RNF213: variants seen among roughly 807,000 people sequenced by gnomAD.
RNF213 encodes ring finger protein 213.
Under a neutral mutation model 514.4 loss-of-function variants are expected in RNF213, and 341 were observed. The observed-to-expected ratio is 0.66, with a 90% CI of 0.61 to 0.73. RNF213 has a LOEUF of 0.73. RNF213 is among the 30% of genes least tolerant of loss of function. The pLI, the probability that RNF213 is intolerant of heterozygous loss-of-function variation, is 0.00. For synonymous variants in RNF213, 2,655 were observed against 2,658.2 expected (o/e 1.00, Z 0.04); for missense variants, 5,767 against 6,615.6 (o/e 0.87, Z 4.45).
At chr17:80,367,920 G>A in intron 43 of RNF213, 41 bp from the exon 44 acceptor site, 2 of 1,614,172 alleles carry the variant, frequency 1.2e-6, no homozygotes, top group South Asian at 1.1e-5. Context: ...CTTCTGGCCA[G>A]TTTCTCTGCT....
Position 80,332,401 on chromosome 17 carries a change from G to A in RNF213, c.3913G>A (p.Val1305Ile). ...SGEVTLAEID[V>I]IFKDFVNKYT... ...AGAGGTCACCCTTGCAGAGATTGAT[G>A]TCATCTTCAAGGACTTTGTGAATAA... Residue 1305 changes from valine to isoleucine, a missense_variant, in exon 21 of 68, where the codon GTC (valine) becomes ATC (isoleucine). Transcript: ENST00000582970. 5 of 1,537,166 alleles carry A rather than the reference G, an allele frequency of 3.3e-6. No individual in the cohort carries two copies. Among genetic ancestry groups the A allele is most frequent in the Non-Finnish European group, 4.4e-6 (5 of 1,146,910 alleles).
rs1052430421 is a variant in RNF213 at position 80,343,257 on chromosome 17, C to G, written c.6115C>G (p.Leu2039Val). ...QVDESRVLGALLPFLDAQYQK... is the reference protein window; with the variant it reads ...QVDESRVLGAVLPFLDAQYQK... ...GGATGAGAGCCGAGTCCTGGGCGCCCTGCTGCCCTTCCTGGATGCGCAGTA... is the reference window on the plus strand; with the variant it reads ...GGATGAGAGCCGAGTCCTGGGCGCCGTGCTGCCCTTCCTGGATGCGCAGTA... Residue 2039 changes from leucine (L) to valine (V), a missense_variant, in exon 27 of 68, where the codon CTG becomes GTG. Coordinates refer to ENST00000582970, the MANE Select transcript of RNF213 (RefSeq NM_001256071.3). This position sits in a 1 kb window ranked among gnomAD's most constrained non-coding sequence, Gnocchi z 4.3. The G allele has an allele frequency of 4.3e-6, 7 of 1,613,908 alleles. No homozygotes were observed. The highest frequency in any genetic ancestry group is 4.5e-5 in the East Asian group (2 of 44,890).
At position 80,348,104 on chromosome 17, in the gene RNF213, A is replaced by G. The variant is rs111269189; in HGVS notation, c.9769A>G (p.Ile3257Val). 1.5e-4 allele frequency: 242 copies of G among 1,614,106 alleles called. 2 individuals are homozygous for G. The African/African-American group carries it at 2.0e-3, about 13-fold the overall frequency. Residue 3257 changes from isoleucine (I) to valine (V), a missense_variant, in exon 29 of 68, where the codon ATC becomes GTC. By Grantham distance (29) the Ile-to-Val change is conservative. This residue lies in a region of RNF213 where 919 missense variants were observed against 1,121.0 expected (regional missense o/e 0.82). Coordinates refer to ENST00000582970, the MANE Select transcript of RNF213 (RefSeq NM_001256071.3). Reference sequence around the variant, plus strand: ...GAAGGTGTCTGAGGAGGCCAAATCGATCCTGCTGAACTGCGCTACGCCCGA... The same window carrying G: ...GAAGGTGTCTGAGGAGGCCAAATCGGTCCTGCTGAACTGCGCTACGCCCGA... ...HQKVSEEAKS[I>V]LLNCATPDAV...
intron 67 of RNF213, among the ~76,000 whole-genome samples, chr17:80,391,075 A>C (rs752730501): frequency 2.0e-5 from 3 of 152,170 alleles, no homozygotes; most frequent in African/African-American, 7.2e-5. Context: ...AACAAACAAA[A>C]AAAAGAATAG....
chr17:80,398,760 A>G lies in RNF213; in HGVS notation c.*5262A>G, dbSNP rs541784883. 1 of 152,342 alleles carries G rather than the reference A, an allele frequency of 6.6e-6. No individual in the cohort carries two copies. Among genetic ancestry groups the G allele is most frequent in the South Asian group, 2.1e-4 (1 of 4,830 alleles). 9.4% of individuals were successfully genotyped at this position (152,342 alleles called of 1,614,324 possible). A position where few individuals can be genotyped will look rare whatever the true frequency, so the allele number is the denominator to read the frequency against. ...GAGGCAAAAGGAAAGTCAAAGAGAA[A>G]GAGACAGAAAATCAAGAGGAAAAAA... is the stretch of plus-strand genomic sequence containing the variant. On this transcript the variant is annotated 3_prime_UTR_variant, in exon 68 of 68. Transcript: ENST00000582970.
intron 6 of RNF213, 70 bp from the exon 7 acceptor site, chr17:80,290,474 TGTGTGTGCGCACGTGTGTGTGTGCGC>T: frequency 5.6e-6 from 8 of 1,430,516 alleles, no homozygotes; most frequent in Middle Eastern, 2.5e-4. Context: ...TGTGTGCACG[TGTGTGTGCGCACGTGTGTGTGTGCGC>T]GTGTGTGCAT....
intron 2 of RNF213, among the ~76,000 whole-genome samples, chr17:80,265,664 T>G (rs898048198): frequency 1.3e-5 from 2 of 152,166 alleles, no homozygotes; most frequent in African/African-American, 2.4e-5. Flanking sequence ...GAATCTTCTC[T>G]CCTGTAGCCA....
chr17:80,332,262 T>A lies in RNF213; in HGVS notation c.3774T>A (p.Ser1258Arg). ...ACCAGGAAGCCGCAGAGTTGCTGAG[T>A]GAGCCCGAAGAAGAATCAGAAAGGC... Reference protein sequence around the residue: ...KEDQEAAELLSEPEEESERHI... With the variant: ...KEDQEAAELLREPEEESERHI... Residue 1258 changes from serine (S) to arginine (R), a missense_variant, in exon 21 of 68, where the codon AGT (serine) becomes AGA (arginine). Around this residue, in one of 13 missense-constraint regions of RNF213, gnomAD observed 516 missense variants for 566.5 expected, o/e 0.91. Coordinates refer to ENST00000582970, the MANE Select transcript of RNF213 (RefSeq NM_001256071.3). The A allele has an allele frequency of 6.5e-7, 1 of 1,537,138 alleles. No homozygotes were observed. Among genetic ancestry groups the A allele is most frequent in the Non-Finnish European group, 8.7e-7 (1 of 1,146,910 alleles).
chr17:80,281,230 CA>C (rs1450236930), intron 3 of RNF213, among the ~76,000 whole-genome samples: 3 of 117,600 alleles, frequency 2.6e-5, no homozygotes, highest in Non-Finnish European at 3.7e-5. Flanking sequence ...ACACACACCC[CA>C]CTCACACACA....
intron 36 of RNF213, 48 bp from the exon 37 acceptor site, chr17:80,358,240 C>T: frequency 6.3e-7 from 1 of 1,574,934 alleles, no homozygotes; most frequent in South Asian, 1.1e-5. Context: ...CAGACCGCCA[C>T]TCTGGTTCCT....
In RNF213 at chr17:80,385,531, T is replaced by C; in HGVS notation, c.14456-7T>C. The C allele has an allele frequency of 6.2e-7, 1 of 1,613,904 alleles. No individual in the cohort carries two copies. ...ATACGGTTCTTACCAAGTATTCTGT[T>C]CAACAGATGGGTTGAGGCAGCTGCT... On this transcript the variant is annotated splice_region_variant and splice_polypyrimidine_tract_variant and intron_variant, in intron 60 of 67. Coordinates refer to ENST00000582970, the MANE Select transcript of RNF213 (RefSeq NM_001256071.3).
At chr17:80,337,327 C>T (rs1489619522) in intron 23 of RNF213, among the ~76,000 whole-genome samples, 10 of 152,198 alleles carry the variant, frequency 6.6e-5, no homozygotes, top group Admixed American at 6.5e-4. Context: ...GTCAAGTGCC[C>T]CCATGTGCCA....
rs780720628 is a variant in RNF213, at chr17:80,332,032, C to A, written c.3544C>A (p.His1182Asn). ...GGACTTTGGAGTGCTTGCAGTAAGA[C>A]ACTCACAAGACCTCAGCAGTAAAAG... ...QVDFGVLAVRHSQDLSSKRLN... is the reference protein window; with the variant it reads ...QVDFGVLAVRNSQDLSSKRLN... Residue 1182 changes from histidine to asparagine, a missense_variant, in exon 21 of 68, where the codon CAC becomes AAC. Coordinates refer to ENST00000582970, the MANE Select transcript of RNF213 (RefSeq NM_001256071.3). The A allele has an allele frequency of 1.3e-6, 2 of 1,536,776 alleles. No individual in the cohort carries two copies. Among genetic ancestry groups the A allele is most frequent in the East Asian group, 2.4e-5 (1 of 40,906 alleles).
At chr17:80,360,412 C>T (rs935272019) in intron 38 of RNF213, 2 of 609,456 alleles carry the variant, frequency 3.3e-6, no homozygotes, top group Middle Eastern at 4.5e-4. Context: ...CCCGGCGGGA[C>T]CAGAAACCTT....
Position 80,355,597 on chromosome 17 carries a change from CAGGGGAAGAAGCGGGGTGAGT to C in RNF213, c.10862+1022_10862+1042del, listed in dbSNP as rs1568123249. Among the ~76,000 whole-genome samples the C allele has an allele frequency of 2.6e-3, 120 of 46,540 alleles. 15 individuals carry two copies. Among genetic ancestry groups the C allele is most frequent in the Non-Finnish European group, 3.2e-3 (80 of 25,238 alleles). 30.5% of individuals were successfully genotyped at this position (46,540 alleles called of 152,430 possible). ...CGGGGTGAGTGGGAATGGGGGCTTA[CAGGGGAAGAAGCGGGGTGAGT>C]GGGAATGGGGGCTTACAGGGGAAGA... On this transcript the variant is annotated intron_variant, in intron 36 of 67. Coordinates refer to ENST00000582970, the MANE Select transcript of RNF213 (RefSeq NM_001256071.3).
Position 80,396,219 on chromosome 17 carries a change from A to G in RNF213, c.*2721A>G, listed in dbSNP as rs1290369344. 1 of 152,196 alleles carries G rather than the reference A, an allele frequency of 6.6e-6. No homozygotes were observed. The highest frequency in any genetic ancestry group is 1.9e-4 in the East Asian group (1 of 5,196). The allele number at this position is 152,196 out of a possible 1,614,324, so 9.4% of individuals were successfully genotyped here. A position where few individuals can be genotyped will look rare whatever the true frequency, so the allele number is the denominator to read the frequency against. On this transcript the variant is annotated 3_prime_UTR_variant, in exon 68 of 68. Transcript: ENST00000582970. ...TGAGGCTGCAGTGAGCTATGATTGCACCACTGCACTCCAACCTGGGTGACA... is the reference window on the plus strand; with the variant it reads ...TGAGGCTGCAGTGAGCTATGATTGCGCCACTGCACTCCAACCTGGGTGACA...
At chr17:80,386,134 G>C in intron 61 of RNF213, 116 bp from the exon 62 acceptor site, 1 of 1,000,894 alleles carries the variant, frequency 1.0e-6, no homozygotes, top group Admixed American at 1.8e-5. Context: ...GCAGAACCGA[G>C]ACCCGGCTCC....
At chr17:80,325,289 G>A in intron 18 of RNF213, 91 bp downstream of exon 18, 1 of 1,291,162 alleles carries the variant, frequency 7.7e-7, no homozygotes, top group Non-Finnish European at 1.0e-6. Flanking sequence ...TTGACATGAT[G>A]ATACTGAATT....
At chr17:80,361,494 A>C (rs1377617032) in intron 38 of RNF213, among the ~76,000 whole-genome samples, 2 of 152,228 alleles carry the variant, frequency 1.3e-5, no homozygotes, top group African/African-American at 4.8e-5. Flanking sequence ...ACCGCACTCC[A>C]GCCTGGGCAA....
Sources: gnomAD v4.1 joint callset for allele counts (sites outside exome capture counted in the v4.1 genomes callset) on GRCh38, gnomAD v4.1.1 for gene constraint, gnomAD v4.1.1 regional missense constraint, Gnocchi (gnomAD v3.1) non-coding constraint, MANE v1.5 for transcripts, NCBI Gene and HGNC (gene_info 2026-07-23, HGNC 2026-07-21) for gene names.